AGBL4: variants seen among roughly 807,000 people sequenced by gnomAD.
AGBL4 encodes the protein AGBL carboxypeptidase 4.
In AGBL4, 58 loss-of-function variants were observed where a neutral mutation model predicts 66.4. That is an observed-to-expected ratio of 0.87 (90% CI 0.71 to 1.09). The LOEUF is 1.09. AGBL4 is among the 50% of genes least tolerant of loss of function. The pLI, the probability that AGBL4 is intolerant of heterozygous loss-of-function variation, is 0.00. For missense variants in AGBL4, 579 were observed against 631.0 expected (o/e 0.92, Z 0.88); for synonymous variants, 234 against 222.9 (o/e 1.05, Z -0.44).
chr1:49,299,639 C>A (rs1644707076), intron 3 of AGBL4, among the ~76,000 whole-genome samples: 1 of 152,092 alleles, frequency 6.6e-6, no homozygotes, highest in Non-Finnish European at 1.5e-5. Flanking sequence ...CTTTTCTGGT[C>A]CTGTCACAAT....
chr1:49,266,513 T>A (rs1643922038), intron 3 of AGBL4, among the ~76,000 whole-genome samples: 2 of 152,142 alleles, frequency 1.3e-5, no homozygotes, highest in South Asian at 4.1e-4. Flanking sequence ...ATTTATTAAA[T>A]AAACAGTTAT....
chr1:48,603,695 A>G (rs755933885), intron 9 of AGBL4, among the ~76,000 whole-genome samples: 16 of 152,148 alleles, frequency 1.1e-4, no homozygotes, highest in Non-Finnish European at 1.9e-4. Flanking sequence ...ATTGTTCTGG[A>G]GGCTGTGACG....
intron 2 of AGBL4, among the ~76,000 whole-genome samples, chr1:49,706,060 C>A (rs941330150): frequency 3.3e-5 from 5 of 152,086 alleles, no homozygotes; most frequent in Non-Finnish European, 7.3e-5. Flanking sequence ...AGGCTGGACT[C>A]ATAAAATGAA....
intron 11 of AGBL4, among the ~76,000 whole-genome samples, chr1:48,572,884 G>A (rs1355695763): frequency 1.3e-5 from 2 of 152,194 alleles, no homozygotes; most frequent in Non-Finnish European, 2.9e-5. Flanking sequence ...CGCAGCTTGT[G>A]GTCCCCCAAA....
chr1:50,023,878 G>C lies in AGBL4; in HGVS notation c.-82C>G, dbSNP rs1341057883. On this transcript the variant is annotated 5_prime_UTR_variant, in exon 1 of 14. Coordinates refer to ENST00000371839, the MANE Select transcript of AGBL4 (RefSeq NM_032785.4). ...GGTGGTGGGATCAGTGGGCTGACAGGAGCTACCTCAGGAAGACGCGGCACG... is the reference window on the plus strand; with the variant it reads ...GGTGGTGGGATCAGTGGGCTGACAGCAGCTACCTCAGGAAGACGCGGCACG... 3 of 1,458,218 alleles carry C rather than the reference G, an allele frequency of 2.1e-6. No homozygotes were observed. The highest frequency in any genetic ancestry group is 1.4e-5 in the African/African-American group (1 of 69,430). The allele number at this position is 1,458,218 out of a possible 1,614,324, so 90.3% of individuals were successfully genotyped here.
At chr1:49,372,967 T>C (rs1052328964) in intron 3 of AGBL4, among the ~76,000 whole-genome samples, 3 of 151,936 alleles carry the variant, frequency 2.0e-5, no homozygotes, top group Non-Finnish European at 4.4e-5. Flanking sequence ...CTATGTTGCC[T>C]AGGCTGGTTT....
chr1:49,480,136 T>A (rs1053519999), intron 3 of AGBL4, among the ~76,000 whole-genome samples: 5 of 152,080 alleles, frequency 3.3e-5, no homozygotes, highest in Non-Finnish European at 5.9e-5. Context: ...CAATTTATAT[T>A]CCTTTGGATA....
In AGBL4 at chr1:49,529,018, G is replaced by C. The variant is rs78126715; in HGVS notation, c.282+168295C>G. On this transcript the variant is annotated intron_variant, in intron 3 of 13. Transcript: ENST00000371839. ...ACTACAAAGTCATTAAAGAATCATG[G>C]ACCAAAAAGTTATAAGATCAGATTA... is the stretch of plus-strand genomic sequence containing the variant. Among the ~76,000 whole-genome samples the C allele has an allele frequency of 6.7e-4, 102 of 152,090 alleles. 2 individuals are homozygous for C. In the East Asian group the frequency reaches 0.019, roughly 28 times the overall value.
chr1:49,574,052 A>C (rs187851398), intron 3 of AGBL4, among the ~76,000 whole-genome samples: 1 of 152,152 alleles, frequency 6.6e-6, no homozygotes, highest in African/African-American at 2.4e-5. Flanking sequence ...GATTCTCTTC[A>C]GGAGCCACCC....
intron 4 of AGBL4, among the ~76,000 whole-genome samples, chr1:49,126,243 G>T (rs1458120331): frequency 6.6e-6 from 1 of 152,148 alleles, no homozygotes. Flanking sequence ...GTTCCAAGCA[G>T]CCTGGAAATT....
intron 6 of AGBL4, among the ~76,000 whole-genome samples, chr1:48,783,525 T>C (rs1279783206): frequency 6.6e-6 from 1 of 152,168 alleles, no homozygotes; most frequent in African/African-American, 2.4e-5. Context: ...AAATGTGGGC[T>C]TAGGAATCAA....
At chr1:48,957,147 C>T (rs1243526992) in intron 5 of AGBL4, among the ~76,000 whole-genome samples, 1 of 152,088 alleles carries the variant, frequency 6.6e-6, no homozygotes, top group African/African-American at 2.4e-5. Context: ...TCATCATTCC[C>T]ATACATTTTT....
chr1:49,706,955 T>G (rs1647253555), intron 2 of AGBL4, among the ~76,000 whole-genome samples: 1 of 152,242 alleles, frequency 6.6e-6, no homozygotes, highest in African/African-American at 2.4e-5. Flanking sequence ...AGGAGTGTTT[T>G]ACTTCCAATT....
chr1:49,819,505 T>C (rs1418961516), intron 2 of AGBL4, among the ~76,000 whole-genome samples: 1 of 152,152 alleles, frequency 6.6e-6, no homozygotes, highest in East Asian at 1.9e-4. Context: ...AGGTGATTTT[T>C]CCCAAGACCA....
In AGBL4 at chr1:49,035,729, G is replaced by GGTGT. The variant is rs140975530; in HGVS notation, c.594+9851_594+9854dup. On this transcript the variant is annotated intron_variant, in intron 5 of 13. Coordinates refer to ENST00000371839, the MANE Select transcript of AGBL4 (RefSeq NM_032785.4). The stretch of plus-strand genomic sequence containing the variant: ...CCTGATTGTCACCTGACACTCCTGG[G>GGTGT]GTGTGTGTGTGTGTGTGTGTAGGTG... 5.1e-3 allele frequency among the ~76,000 whole-genome samples: 758 copies of GGTGT among 149,818 alleles called. 9 individuals carry two copies. The highest frequency in any genetic ancestry group is 0.014 in the African/African-American group (591 of 40,914).
intron 1 of AGBL4, among the ~76,000 whole-genome samples, chr1:49,910,231 C>A (rs1194468842): frequency 2.6e-5 from 4 of 152,010 alleles, no homozygotes; most frequent in African/African-American, 9.7e-5. Context: ...AGGAGGAGAG[C>A]CAAGAGAGTG....
At chr1:49,353,296 A>T (rs990834299) in intron 3 of AGBL4, among the ~76,000 whole-genome samples, 2 of 152,206 alleles carry the variant, frequency 1.3e-5, no homozygotes, top group African/African-American at 2.4e-5. Flanking sequence ...CTGGCATCTA[A>T]GGCATTTAAT....
intron 1 of AGBL4, among the ~76,000 whole-genome samples, chr1:49,887,431 G>T (rs1648183542): frequency 6.6e-6 from 1 of 151,886 alleles, no homozygotes; most frequent in Admixed American, 6.6e-5. Flanking sequence ...ATCTGGAAAA[G>T]ATAAGTTGTT....
intron 3 of AGBL4, among the ~76,000 whole-genome samples, chr1:49,470,882 G>A (rs1012590576): frequency 1.3e-5 from 2 of 151,938 alleles, no homozygotes; most frequent in South Asian, 2.1e-4. Flanking sequence ...CTGTACCTGC[G>A]GCTTCAATAA....
Sources: allele counts gnomAD v4.1 joint callset (sites outside exome capture counted in the v4.1 genomes callset), GRCh38; gene constraint gnomAD v4.1.1; transcripts MANE v1.5; gene names NCBI Gene and HGNC (gene_info 2026-07-23, HGNC 2026-07-21).